The following PUM1 variants were observed in gnomAD, a reference collection of about 807,000 sequenced individuals.
PUM1 encodes the protein pumilio RNA binding family member 1, also known as pumilio homolog 1.
A neutral mutation model predicts 131.8 loss-of-function variants in PUM1; 13 were observed. The observed-to-expected ratio is 0.10, with a 90% CI of 0.06 to 0.16. The LOEUF is 0.16. PUM1 is among the 10% of genes least tolerant of loss of function. PUM1 has a pLI of 1.00. For synonymous variants in PUM1, 509 were observed against 556.5 expected (o/e 0.91, Z 1.20); for missense variants, 961 against 1,512.4 (o/e 0.64, Z 6.05).
At chr1:31,016,466 G>A (rs751466178) in intron 3 of PUM1, among the ~76,000 whole-genome samples, 16 of 151,798 alleles carry the variant, frequency 1.1e-4, no homozygotes, top group South Asian at 2.1e-4. Flanking sequence ...CCAAATTCTC[G>A]TTTTGCATTT....
chr1:31,010,189 TA>T (rs1456143391), intron 3 of PUM1, among the ~76,000 whole-genome samples: 1 of 152,190 alleles, frequency 6.6e-6, no homozygotes, highest in Non-Finnish European at 1.5e-5. Flanking sequence ...GCAAAGCTCT[TA>T]AAAGTCTCTG....
intron 1 of PUM1, among the ~76,000 whole-genome samples, chr1:31,061,168 C>G (rs965280987): frequency 1.3e-5 from 2 of 152,174 alleles, no homozygotes; most frequent in African/African-American, 4.8e-5. Context: ...TGTAGAAAGC[C>G]TCACTACAGG....
chr1:30,971,001 T>C (rs921095178), intron 10 of PUM1, among the ~76,000 whole-genome samples: 2 of 152,166 alleles, frequency 1.3e-5, no homozygotes, highest in African/African-American at 2.4e-5. Flanking sequence ...TCTCTAGAAA[T>C]CTGTCCAGTA....
intron 2 of PUM1, among the ~76,000 whole-genome samples, chr1:31,053,622 C>T (rs1274376199): frequency 6.6e-6 from 1 of 151,500 alleles, no homozygotes; most frequent in Non-Finnish European, 1.5e-5. Context: ...ACAGGCACAG[C>T]GCCACCATGC....
chr1:30,941,691 C>T (rs1447026082), intron 19 of PUM1, among the ~76,000 whole-genome samples: 1 of 152,096 alleles, frequency 6.6e-6, no homozygotes, highest in Non-Finnish European at 1.5e-5. Context: ...ATCAACAAAT[C>T]AACTTATTTC....
chr1:30,972,292 G>C (rs1417437684), intron 10 of PUM1, among the ~76,000 whole-genome samples: 10,643 of 13,020 alleles, frequency 0.82, 4,237 homozygotes, highest in Middle Eastern at 0.92. Flanking sequence ...GGAAGGGGAG[G>C]GGAGGGGAGG....
chr1:30,941,249 G>A lies in PUM1; in HGVS notation c.3144C>T (p.Ile1048=). The A allele has an allele frequency of 6.2e-7, 1 of 1,611,170 alleles. No individual in the cohort carries two copies. Among genetic ancestry groups the A allele is most frequent in the Middle Eastern group, 1.7e-4 (1 of 6,050 alleles). Residue 1048 remains isoleucine (I), a synonymous_variant, in exon 20 of 22, where the codon ATC becomes ATT. Coordinates refer to ENST00000426105, the MANE Select transcript of PUM1 (RefSeq NM_001020658.2). ...GACGACCGTGCTCCAGTACATGTTGGATTACATAATTTCCATATTGATCCT... is the reference window on the plus strand; with the variant it reads ...GACGACCGTGCTCCAGTACATGTTGAATTACATAATTTCCATATTGATCCT... ...LVQDQYGNYV[I]QHVLEHGRPE... is the part of the protein sequence containing the mutation.
chr1:31,018,454 G>A (rs920482095), intron 3 of PUM1, among the ~76,000 whole-genome samples: 2 of 152,046 alleles, frequency 1.3e-5, no homozygotes, highest in Non-Finnish European at 2.9e-5. Flanking sequence ...TCAGGAGTTC[G>A]AGACCCAGCC....
rs534606358 is a variant in PUM1 at position 30,989,243 on chromosome 1, G to A, written c.1158+3147C>T. ...CTCCACTAGAATTCTCATTTTCTTC[G>A]TATATAAAAAAGTCTTTCAAGGCAC... On this transcript the variant is annotated intron_variant, in intron 7 of 21. Transcript: ENST00000426105. Among the ~76,000 whole-genome samples the A allele has an allele frequency of 1.5e-4, 23 of 151,988 alleles. No individual in the cohort carries two copies. In the East Asian group the frequency reaches 3.5e-3, roughly 23 times the overall value.
chr1:31,063,167 C>T (rs973729428), intron 1 of PUM1, among the ~76,000 whole-genome samples: 1 of 152,104 alleles, frequency 6.6e-6, no homozygotes, highest in Non-Finnish European at 1.5e-5. Flanking sequence ...GAAATCTCGA[C>T]CTAACAATCT....
rs1410379158 is a variant in PUM1, at chr1:30,990,584, A to AC, written c.1158+1805_1158+1806insG. ...TCCTTCTTGACAACTACTAGCTCTT[A>AC]TACAGGAACACCGAGAGATTGAGGG... On this transcript the variant is annotated intron_variant, in intron 7 of 21. Coordinates refer to ENST00000426105, the MANE Select transcript of PUM1 (RefSeq NM_001020658.2). 2.6e-5 allele frequency among the ~76,000 whole-genome samples: 4 copies of AC among 152,306 alleles called. No individual in the cohort carries two copies. The East Asian group carries it at 5.8e-4, about 22-fold the overall frequency.
At chr1:30,952,192 C>T in intron 16 of PUM1, 42 bp downstream of exon 16, 1 of 1,591,404 alleles carries the variant, frequency 6.3e-7, no homozygotes, top group South Asian at 1.1e-5. Context: ...AAATGCTCTG[C>T]AGATTCTCTT....
chr1:30,940,807 G>A (rs1474481542), intron 20 of PUM1, among the ~76,000 whole-genome samples: 1 of 152,088 alleles, frequency 6.6e-6, no homozygotes, highest in Admixed American at 6.6e-5. Flanking sequence ...ATATGCATAT[G>A]GTAAACTGCC....
intron 9 of PUM1, among the ~76,000 whole-genome samples, chr1:30,977,256 TC>T (rs1240454600): frequency 1.3e-5 from 2 of 152,234 alleles, no homozygotes; most frequent in African/African-American, 4.8e-5. Flanking sequence ...TGTGGAATTT[TC>T]CACTTATGGT....
chr1:31,058,318 T>C (rs948119981), intron 2 of PUM1, among the ~76,000 whole-genome samples: 23 of 152,174 alleles, frequency 1.5e-4, no homozygotes, highest in African/African-American at 3.6e-4. Flanking sequence ...GCAGTTCTTA[T>C]GTCAACAGTA....
chr1:31,025,692 A>G (rs566848403), intron 3 of PUM1, among the ~76,000 whole-genome samples: 2 of 151,660 alleles, frequency 1.3e-5, no homozygotes, highest in South Asian at 4.2e-4. Flanking sequence ...AGTAGCTGGG[A>G]CTACAGGCGC....
intron 9 of PUM1, among the ~76,000 whole-genome samples, chr1:30,977,616 T>C (rs1641190771): frequency 6.6e-6 from 1 of 152,172 alleles, no homozygotes; most frequent in Admixed American, 6.5e-5. Context: ...CCTCAAAGAA[T>C]ACACATTTTC....
intron 14 of PUM1, among the ~76,000 whole-genome samples, chr1:30,956,434 T>G (rs951571273): frequency 6.6e-6 from 1 of 152,134 alleles, no homozygotes; most frequent in African/African-American, 2.4e-5. Context: ...CGGCTAATTT[T>G]TGTACTTTTA....
chr1:30,941,146 C>T lies in PUM1; in HGVS notation c.3242+5G>A, dbSNP rs780937682. 5 of 1,612,276 alleles carry T rather than the reference C, an allele frequency of 3.1e-6. No homozygotes were observed. Among genetic ancestry groups the T allele is most frequent in the African/African-American group, 2.7e-5 (2 of 74,882 alleles). On this transcript the variant is annotated splice_donor_5th_base_variant and intron_variant, in intron 20 of 21. Coordinates refer to ENST00000426105, the MANE Select transcript of PUM1 (RefSeq NM_001020658.2). ...GAAATAGTCCTTGTAACTCAAAGCA[C>T]GTACCTTGCAAATTTGTGCTGACTC...
Sources: gnomAD v4.1 joint callset for allele counts (sites outside exome capture counted in the v4.1 genomes callset) on GRCh38, gnomAD v4.1.1 for gene constraint, MANE v1.5 for transcripts, NCBI Gene and HGNC (gene_info 2026-07-23, HGNC 2026-07-21) for gene names.